Variants in DACT3 observed in about 807,000 individuals in gnomAD.
DACT3 encodes dapper homolog 3.
A neutral mutation model predicts 19.6 loss-of-function variants in DACT3; 5 were observed. The observed-to-expected ratio is 0.26, with a 90% CI of 0.13 to 0.54. DACT3 has a LOEUF of 0.54. Ranked by LOEUF, DACT3 falls within the 20% of genes least tolerant of loss-of-function variation. DACT3 has a pLI of 0.95. For synonymous variants in DACT3, 454 were observed against 428.1 expected, an observed-to-expected ratio of 1.06 and a Z score of -0.75; for missense variants, 908 against 927.4, an observed-to-expected ratio of 0.98 and a Z score of 0.27.
At chr19:46,651,762 C>T (rs992511827) in intron 3 of DACT3, 2 of 151,670 alleles carry the variant, frequency 1.3e-5, no homozygotes, top group Non-Finnish European at 2.9e-5. Flanking sequence ...CGCAGTGACA[C>T]CATCTCAGCT....
At position 46,660,752 on chromosome 19, in the gene DACT3, C is replaced by A; in HGVS notation, c.249+64G>T. On this transcript the variant is annotated intron_variant, in intron 1 of 3. Coordinates refer to ENST00000391916, the MANE Select transcript of DACT3 (RefSeq NM_145056.3). The surrounding 1 kb of genome is among the most constrained non-coding windows in gnomAD (Gnocchi z 4.9). The stretch of plus-strand genomic sequence containing the variant: ...CCCCAACCCCCGCCCGGTGTCTGAG[C>A]ATCCAACCGAGACAGACAGACACAG... The A allele has an allele frequency of 7.1e-7, 1 of 1,408,050 alleles. No individual in the cohort carries two copies. Among genetic ancestry groups the A allele is most frequent in the Non-Finnish European group, 9.2e-7 (1 of 1,084,314 alleles). The allele number at this position is 1,408,050 out of a possible 1,614,324, so 87.2% of individuals were successfully genotyped here. A position where few individuals can be genotyped will look rare whatever the true frequency, so the allele number is the denominator to read the frequency against.
At position 46,648,667 on chromosome 19, in the gene DACT3, C is replaced by T. The variant is rs1568692933; in HGVS notation, c.1705G>A (p.Gly569Ser). The part of the protein sequence containing the change: ...AFSSASSDSD[G>S]SGGLVWPQQL... ...TGCGGCCACACGAGGCCACCGCTGCCGTCTGAGTCGCTGGAGGCAGAGCTG... is the reference window on the plus strand; with the variant it reads ...TGCGGCCACACGAGGCCACCGCTGCTGTCTGAGTCGCTGGAGGCAGAGCTG... Residue 569 changes from glycine (G) to serine (S), a missense_variant, in exon 4 of 4, where the codon GGC (glycine) becomes AGC (serine). Gly to Ser is a moderately conservative substitution (Grantham distance 56, BLOSUM62 0). Transcript: ENST00000391916. The surrounding 1 kb of genome is among the most constrained non-coding windows in gnomAD (Gnocchi z 5.1). 1 of 1,612,228 alleles carries T rather than the reference C, an allele frequency of 6.2e-7. No homozygotes were observed.
At chr19:46,650,571 C>G (rs184622164) in intron 3 of DACT3, 4 of 152,204 alleles carry the variant, frequency 2.6e-5, no homozygotes, top group African/African-American at 9.6e-5. Context: ...GAACGCATCA[C>G]CATGCCCTGC....
At chr19:46,653,492 C>A (rs1322871604) in intron 1 of DACT3, among the ~76,000 whole-genome samples, 3 of 151,920 alleles carry the variant, frequency 2.0e-5, no homozygotes, top group Non-Finnish European at 4.4e-5. Flanking sequence ...ACCCCCAGAT[C>A]CCTTAGTCAT....
Position 46,649,321 on chromosome 19 carries a change from C to A in DACT3, c.1051G>T (p.Glu351Ter). 8.1e-7 allele frequency: 1 copy of A among 1,241,466 alleles called. No homozygotes were observed. 76.9% of individuals were successfully genotyped at this position (1,241,466 alleles called of 1,614,324 possible). Residue 351 changes from glutamate (E) to a stop codon, truncating the protein, a stop_gained, in exon 4 of 4, where the codon GAG becomes TAG. Coordinates refer to ENST00000391916, the MANE Select transcript of DACT3 (RefSeq NM_145056.3). LOFTEE classifies it low-confidence loss of function (END_TRUNC). ...TACTGCGCCTTCACCAAGCGGCCCT[C>A]AGCCGGGCTGTCGGGGGGTGAGGGG... ...AAPSPPDSPA[E>*]GRLVKAQYIP... is the part of the protein sequence containing the mutation.
chr19:46,649,363 C>T lies in DACT3; in HGVS notation c.1009G>A (p.Ala337Thr), dbSNP rs1230711670. ...GGTGAGGGGGCGGCGGGCGGCGCAG[C>T]GGGCTCGGGTGCCGCCTCCGACTCC... ...SWESEAAPEP[A>T]APPAAPSPPD... Residue 337 changes from alanine (A) to threonine (T), a missense_variant, in exon 4 of 4, where the codon GCT becomes ACT. Coordinates refer to ENST00000391916, the MANE Select transcript of DACT3 (RefSeq NM_145056.3). 3 of 1,256,074 alleles carry T rather than the reference C, an allele frequency of 2.4e-6. No individual in the cohort carries two copies. The highest frequency in any genetic ancestry group is 2.2e-5 in the South Asian group (1 of 46,416). 77.8% of individuals were successfully genotyped at this position (1,256,074 alleles called of 1,614,324 possible).
intron 1 of DACT3, among the ~76,000 whole-genome samples, chr19:46,657,346 CTTTTTTTT>C (rs71177239): frequency 1.4e-5 from 1 of 69,388 alleles, no homozygotes; most frequent in Non-Finnish European, 2.6e-5. Context: ...AAATGAGTTT[CTTTTTTTT>C]TTTTTTTTTT....
chr19:46,656,010 A>G lies in DACT3; in HGVS notation c.250-2935T>C, dbSNP rs552966386. On this transcript the variant is annotated intron_variant, in intron 1 of 3. Transcript: ENST00000391916. ...ACATATATACACTATATATACACAC[A>G]TGTATATACACATATATGTATATAT... is the stretch of plus-strand genomic sequence containing the variant. Among the ~76,000 whole-genome samples, 5 of 150,126 alleles carry G rather than the reference A, an allele frequency of 3.3e-5. No individual in the cohort carries two copies. The South Asian group carries it at 1.0e-3, about 31-fold the overall frequency.
Position 46,652,685 on chromosome 19 carries a change from A to G in DACT3, c.474T>C (p.Tyr158=), listed in dbSNP as rs1282111519. 2.6e-6 allele frequency: 4 copies of G among 1,551,304 alleles called. No individual in the cohort carries two copies. In the African/African-American group the frequency reaches 5.5e-5, roughly 21 times the overall value. ...CTAGGGACTTGGGCCTCTCACTGGCATAGATGCCCCGGGGCTCAGAGGGAC... is the reference window on the plus strand; with the variant it reads ...CTAGGGACTTGGGCCTCTCACTGGCGTAGATGCCCCGGGGCTCAGAGGGAC... ...RLGPSEPRGI[Y]ASERPKSLGD... The change falls in exon 3 of 4, where the codon TAT becomes TAC. Residue 158 remains tyrosine, a synonymous_variant. Coordinates refer to ENST00000391916, the MANE Select transcript of DACT3 (RefSeq NM_145056.3).
Position 46,649,059 on chromosome 19 carries a change from G to A in DACT3, c.1313C>T (p.Pro438Leu), listed in dbSNP as rs2052950468. The change falls in exon 4 of 4, where the codon CCT becomes CTT. Residue 438 changes from proline (P) to leucine (L), a missense_variant. By Grantham distance (98) the Pro-to-Leu change is moderately conservative. Coordinates refer to ENST00000391916, the MANE Select transcript of DACT3 (RefSeq NM_145056.3). The stretch of plus-strand genomic sequence containing the variant: ...CGTGGGGTACTTAGGGGGCCCCGAA[G>A]GGACCGCGGAGGCGCGGCCCAGCAG... ...TSLLGRASAV[P>L]SGPPKYPTAE... 7.8e-7 allele frequency: 1 copy of A among 1,288,788 alleles called. No homozygotes were observed. The highest frequency in any genetic ancestry group is 9.8e-7 in the Non-Finnish European group (1 of 1,020,572). 79.8% of individuals were successfully genotyped at this position (1,288,788 alleles called of 1,614,324 possible). A position where few individuals can be genotyped will look rare whatever the true frequency, so the allele number is the denominator to read the frequency against.
chr19:46,654,491 A>G, intron 1 of DACT3: 1 of 966,502 alleles, frequency 1.0e-6, no homozygotes. Context: ...CAAAAAAAAA[A>G]AAAAAGGAAA....
rs1476859781 is a variant in DACT3, at chr19:46,659,137, G to A, written c.249+1679C>T. 15 of 984,980 alleles carry A rather than the reference G, an allele frequency of 1.5e-5. No homozygotes were observed. In the Admixed American group the frequency reaches 3.1e-4, roughly 20 times the overall value. The allele number at this position is 984,980 out of a possible 1,614,324, so 61.0% of individuals were successfully genotyped here. A position where few individuals can be genotyped will look rare whatever the true frequency, so the allele number is the denominator to read the frequency against. On this transcript the variant is annotated intron_variant, in intron 1 of 3. Transcript: ENST00000391916. ...CTTCAGAGGGACCCAGGAACCCCCA[G>A]CACTAGAGAAGTTTATATTTAGCGC...
rs1321160765 is a variant in DACT3, at chr19:46,659,536, G to A, written c.249+1280C>T. ...ACAATCCGTCTCTAACTTTGGGAGG[G>A]GGTGGGGCCTCCCACAGCTGTTTCT... On this transcript the variant is annotated intron_variant, in intron 1 of 3. Transcript: ENST00000391916. 50 of 712,664 alleles carry A rather than the reference G, an allele frequency of 7.0e-5. 1 individual carries two copies. Among genetic ancestry groups the A allele is most frequent in the Non-Finnish European group, 8.4e-5 (49 of 581,006 alleles). The allele number at this position is 712,664 out of a possible 1,614,324, so 44.1% of individuals were successfully genotyped here.
chr19:46,658,672 T>TG, intron 1 of DACT3, among the ~76,000 whole-genome samples: 1 of 152,214 alleles, frequency 6.6e-6, no homozygotes, highest in Non-Finnish European at 1.5e-5. Flanking sequence ...TCTGGCTCTC[T>TG]GCCTCCTCAC....
intron 3 of DACT3, chr19:46,652,427 C>T (rs535560737): frequency 2.4e-5 from 13 of 539,514 alleles, no homozygotes; most frequent in Admixed American, 9.9e-5. Flanking sequence ...TCAAGTGATC[C>T]GCCCACCTCC....
intron 1 of DACT3, among the ~76,000 whole-genome samples, chr19:46,656,087 A>C (rs1393858745): frequency 6.7e-6 from 1 of 148,776 alleles, no homozygotes; most frequent in Admixed American, 6.7e-5. Flanking sequence ...TTGAGATGGA[A>C]TCTAGCTCTA....
rs2052949095 is a variant in DACT3, at chr19:46,648,987, G to A, written c.1385C>T (p.Ala462Val). Residue 462 changes from alanine to valine, a missense_variant, in exon 4 of 4, where the codon GCG becomes GTG. By Grantham distance (64) the Ala-to-Val change is moderately conservative (BLOSUM62 0). Transcript: ENST00000391916. This position sits in a 1 kb window ranked among gnomAD's most constrained non-coding sequence, Gnocchi z 5.1. ...TGCGGCCTGGGCCGCCAGCGTGGGCGCTGGGCCGCGGCGTGGCCGTGGAGG... is the reference window on the plus strand; with the variant it reads ...TGCGGCCTGGGCCGCCAGCGTGGGCACTGGGCCGCGGCGTGGCCGTGGAGG... ...PRPPRPRRGP[A>V]PTLAAQAAGS... 2 of 1,276,986 alleles carry A rather than the reference G, an allele frequency of 1.6e-6. No homozygotes were observed. Among genetic ancestry groups the A allele is most frequent in the Non-Finnish European group, 2.0e-6 (2 of 1,013,962 alleles). 79.1% of individuals were successfully genotyped at this position (1,276,986 alleles called of 1,614,324 possible). A position where few individuals can be genotyped will look rare whatever the true frequency, so the allele number is the denominator to read the frequency against.
rs375074031 is a variant in DACT3, at chr19:46,649,888, C to CAA, written c.500-18_500-17dup. The stretch of plus-strand genomic sequence containing the variant: ...CTGGCGTCTCCTAGGGAAGGAAGGC[C>CAA]AAAAAAAAAAAAAAAAGAGAGAGTG... On this transcript the variant is annotated splice_polypyrimidine_tract_variant and intron_variant, in intron 3 of 3. Transcript: ENST00000391916. 9.1e-5 allele frequency: 114 copies of CAA among 1,256,144 alleles called. No homozygotes were observed. Among genetic ancestry groups the CAA allele is most frequent in the South Asian group, 3.6e-4 (18 of 50,150 alleles). The allele number at this position is 1,256,144 out of a possible 1,614,324, so 77.8% of individuals were successfully genotyped here. A position where few individuals can be genotyped will look rare whatever the true frequency, so the allele number is the denominator to read the frequency against.
In DACT3 at chr19:46,649,324, C is replaced by T; in HGVS notation, c.1048G>A (p.Ala350Thr). 2 of 1,241,286 alleles carry T rather than the reference C, an allele frequency of 1.6e-6. No homozygotes were observed. The highest frequency in any genetic ancestry group is 2.0e-6 in the Non-Finnish European group (2 of 990,102). 76.9% of individuals were successfully genotyped at this position (1,241,286 alleles called of 1,614,324 possible). Residue 350 changes from alanine (A) to threonine (T), a missense_variant, in exon 4 of 4, where the codon GCT (alanine) becomes ACT (threonine). Ala to Thr is a moderately conservative substitution (Grantham distance 58, BLOSUM62 0). Around this residue, in one of 2 missense-constraint regions of DACT3, gnomAD observed 656 missense variants for 601.8 expected, o/e 1.09. Transcript: ENST00000391916. The part of the protein sequence containing the change: ...PAAPSPPDSP[A>T]EGRLVKAQYI... ...TGCGCCTTCACCAAGCGGCCCTCAG[C>T]CGGGCTGTCGGGGGGTGAGGGGGCG...
Sources: allele counts gnomAD v4.1 joint callset (sites outside exome capture counted in the v4.1 genomes callset), GRCh38; gene constraint gnomAD v4.1.1; regional missense constraint gnomAD v4.1.1; non-coding constraint Gnocchi (gnomAD v3.1); transcripts MANE v1.5; gene names NCBI Gene and HGNC (gene_info 2026-07-23, HGNC 2026-07-21).